ZBTB20: variants seen among roughly 807,000 people sequenced by gnomAD.
ZBTB20 encodes the protein zinc finger and BTB domain containing 20, also known as zinc finger and BTB domain-containing protein 20.
ZBTB20 carries 9 observed loss-of-function variants against 56.9 expected under a neutral mutation model. The observed-to-expected ratio is 0.16, with a 90% CI of 0.10 to 0.28. ZBTB20 has a LOEUF of 0.28. Ranked by LOEUF, ZBTB20 falls within the 10% of genes least tolerant of loss-of-function variation. The probability of loss-of-function intolerance (pLI) is 1.00; values close to 1 mark genes in which losing one functional copy is unlikely to be tolerated. For missense variants in ZBTB20, 655 were observed against 1,003.0 expected (o/e 0.65, Z 4.69); for synonymous variants, 417 against 420.7 (o/e 0.99, Z 0.11).
At chr3:114,424,912 C>A (rs978618872) in intron 7 of ZBTB20, among the ~76,000 whole-genome samples, 7 of 152,136 alleles carry the variant, frequency 4.6e-5, no homozygotes, top group African/African-American at 1.7e-4. Flanking sequence ...AAGGATTCTT[C>A]AGTTTCTTTC....
chr3:114,446,425 T>A (rs2091275194), intron 7 of ZBTB20, among the ~76,000 whole-genome samples: 1 of 152,194 alleles, frequency 6.6e-6, no homozygotes. Context: ...AATTTTACTC[T>A]TTGCTCTTTG....
intron 3 of ZBTB20, among the ~76,000 whole-genome samples, chr3:114,962,296 AATTGT>A (rs1215386878): frequency 6.6e-6 from 1 of 152,064 alleles, no homozygotes; most frequent in Non-Finnish European, 1.5e-5. Context: ...CCATACACAA[AATTGT>A]ATATGGGATT....
At chr3:114,913,961 C>T (rs544428367) in intron 3 of ZBTB20, among the ~76,000 whole-genome samples, 4 of 152,068 alleles carry the variant, frequency 2.6e-5, no homozygotes, top group African/African-American at 7.2e-5. Flanking sequence ...TATGCCAGTA[C>T]CATGCTCTTT....
At chr3:114,489,611 C>A (rs928675454) in intron 7 of ZBTB20, among the ~76,000 whole-genome samples, 5 of 151,926 alleles carry the variant, frequency 3.3e-5, no homozygotes, top group Admixed American at 2.6e-4. Flanking sequence ...AGAAGGTGAT[C>A]TAAAAAATTA....
intron 2 of ZBTB20, among the ~76,000 whole-genome samples, chr3:115,055,187 A>ATATCTCTCTCTCTCTCTC (rs374725671): frequency 9.7e-6 from 1 of 103,142 alleles, no homozygotes; most frequent in Non-Finnish European, 1.9e-5. Flanking sequence ...CCTCCTGGTA[A>ATATCTCTCTCTCTCTCTC]TCTCTCTCTC....
intron 6 of ZBTB20, among the ~76,000 whole-genome samples, chr3:114,682,414 T>C (rs2062032869): frequency 6.6e-6 from 1 of 152,182 alleles, no homozygotes; most frequent in African/African-American, 2.4e-5. Context: ...TAGTACTCCT[T>C]TTTTGAGATC....
intron 4 of ZBTB20, among the ~76,000 whole-genome samples, chr3:114,822,099 TATTTC>T (rs2073284284): frequency 6.6e-6 from 1 of 152,090 alleles, no homozygotes. Flanking sequence ...AGAAGCAGAT[TATTTC>T]ATTCTGCGTT....
Position 114,316,406 on chromosome 3 carries a change from G to T in ZBTB20, c.*22599C>A. The T allele has an allele frequency of 2.2e-6, 1 of 454,648 alleles. No homozygotes were observed. Among genetic ancestry groups the T allele is most frequent in the Non-Finnish European group, 4.5e-6 (1 of 222,870 alleles). 28.2% of individuals were successfully genotyped at this position (454,648 alleles called of 1,614,324 possible). Reference sequence around the variant, plus strand: ...TCTGCTGCTGTTTGTGTAGCATCTGGTTTTGTAATGAGCATCTGGATTTGT... The same window carrying T: ...TCTGCTGCTGTTTGTGTAGCATCTGTTTTTGTAATGAGCATCTGGATTTGT... On this transcript the variant is annotated 3_prime_UTR_variant, in exon 12 of 12. Transcript: ENST00000675478.
chr3:115,082,628 T>C (rs936488835), intron 1 of ZBTB20, among the ~76,000 whole-genome samples: 5 of 152,096 alleles, frequency 3.3e-5, no homozygotes, highest in African/African-American at 1.2e-4. Context: ...TGAGCCTGAA[T>C]ACTTAAGGTG....
At chr3:115,125,185 A>T (rs1255553280) in intron 1 of ZBTB20, among the ~76,000 whole-genome samples, 1 of 151,990 alleles carries the variant, frequency 6.6e-6, no homozygotes, top group African/African-American at 2.4e-5. Flanking sequence ...CTCCAAAAAA[A>T]TTAAAAAATT....
chr3:115,082,372 G>A (rs2082828049), intron 1 of ZBTB20, among the ~76,000 whole-genome samples: 1 of 152,126 alleles, frequency 6.6e-6, no homozygotes. Flanking sequence ...GCCTATGCAT[G>A]AGCAGTGACA....
intron 6 of ZBTB20, among the ~76,000 whole-genome samples, chr3:114,585,858 T>C (rs1359885606): frequency 1.3e-5 from 2 of 152,262 alleles, no homozygotes; most frequent in East Asian, 1.9e-4. Flanking sequence ...ACATGTACAG[T>C]ATCAGCTAAC....
intron 5 of ZBTB20, among the ~76,000 whole-genome samples, chr3:114,787,368 T>TATACACAC (rs1433434685): frequency 1.9e-5 from 2 of 106,332 alleles, no homozygotes; most frequent in African/African-American, 9.1e-5. Context: ...TATATATATA[T>TATACACAC]ACACACACAC....
intron 7 of ZBTB20, chr3:114,453,580 T>C (rs1197345565): frequency 6.6e-6 from 1 of 152,126 alleles, no homozygotes; most frequent in African/African-American, 2.4e-5. Context: ...CCACAAGATT[T>C]TGGCGACCCA....
intron 1 of ZBTB20, among the ~76,000 whole-genome samples, chr3:115,117,552 A>G (rs963632865): frequency 1.3e-5 from 2 of 152,080 alleles, no homozygotes; most frequent in African/African-American, 4.8e-5. Context: ...AATATAAAAT[A>G]TGTCATCTGC....
At chr3:114,361,306 CTCACCAAT>C (rs1190084093) in intron 10 of ZBTB20, among the ~76,000 whole-genome samples, 1 of 152,190 alleles carries the variant, frequency 6.6e-6, no homozygotes, top group African/African-American at 2.4e-5. Context: ...GGTTTCTCTC[CTCACCAAT>C]TCTTATCATC....
chr3:114,395,932 G>C (rs2108662702), intron 7 of ZBTB20, among the ~76,000 whole-genome samples: 1 of 152,174 alleles, frequency 6.6e-6, no homozygotes, highest in South Asian at 2.1e-4. Context: ...CATGCCATGA[G>C]CGTTAGCATT....
chr3:114,810,618 T>C (rs2072450808), intron 4 of ZBTB20, among the ~76,000 whole-genome samples: 1 of 152,204 alleles, frequency 6.6e-6, no homozygotes, highest in African/African-American at 2.4e-5. Context: ...AACATAACTT[T>C]TAATTTGGCC....
rs975303710 is a variant in ZBTB20, at chr3:114,320,958, C to G, written c.*18047G>C. ...CTCCAAACCTTGCCCATGATTTCCA[C>G]CTTTCCATAGCCTCACTTCAAGTTC... On this transcript the variant is annotated 3_prime_UTR_variant, in exon 12 of 12. Transcript: ENST00000675478. The G allele has an allele frequency of 1.3e-5, 2 of 152,190 alleles. No individual in the cohort carries two copies. The highest frequency in any genetic ancestry group is 4.8e-5 in the African/African-American group (2 of 41,454). The allele number at this position is 152,190 out of a possible 1,614,324, so 9.4% of individuals were successfully genotyped here.
Sources: allele counts gnomAD v4.1 joint callset (sites outside exome capture counted in the v4.1 genomes callset), GRCh38; gene constraint gnomAD v4.1.1; transcripts MANE v1.5; gene names NCBI Gene and HGNC (gene_info 2026-07-23, HGNC 2026-07-21).